WASF3: variants seen among roughly 807,000 people sequenced by gnomAD.
WASF3 encodes actin-binding protein WASF3.
Under a neutral mutation model 46.6 loss-of-function variants are expected in WASF3, and 11 were observed. That is an observed-to-expected ratio of 0.24 (90% CI 0.15 to 0.39). The LOEUF is 0.39. Ranked by LOEUF, WASF3 falls within the 10% of genes least tolerant of loss-of-function variation. The probability of loss-of-function intolerance (pLI) is 1.00; values close to 1 mark genes in which losing one functional copy is unlikely to be tolerated. For synonymous variants in WASF3, 242 were observed against 259.7 expected (o/e 0.93, Z 0.65); for missense variants, 576 against 669.8 (o/e 0.86, Z 1.55).
At chr13:26,642,107 A>G (rs1882016348) in intron 2 of WASF3, 154 bp from the exon 3 acceptor site, 4 of 689,358 alleles carry the variant, frequency 5.8e-6, no homozygotes, top group Non-Finnish European at 9.0e-6. Context: ...CACTAAAGTA[A>G]TTCACTGTTT....
In WASF3 at chr13:26,584,205, G is replaced by A. The variant is rs374384118; in HGVS notation, c.-109+26386G>A. ...CAAGGGACCAGTAAATTAACAGAAT[G>A]GTGAACATTTTCCTTTTCTTGGTGC... is the stretch of plus-strand genomic sequence containing the variant. On this transcript the variant is annotated intron_variant, in intron 1 of 9. Coordinates refer to ENST00000335327, the MANE Select transcript of WASF3 (RefSeq NM_006646.6). Among the ~76,000 whole-genome samples, 109 of 152,310 alleles carry A rather than the reference G, an allele frequency of 7.2e-4. 2 individuals are homozygous for A. The South Asian group carries it at 0.022, about 31-fold the overall frequency.
chr13:26,685,024 G>C (rs1883358109), intron 9 of WASF3, among the ~76,000 whole-genome samples: 1 of 151,106 alleles, frequency 6.6e-6, no homozygotes, highest in Non-Finnish European at 1.5e-5. Flanking sequence ...GGAGGTCGAG[G>C]CTGCAGTGAG....
intron 2 of WASF3, among the ~76,000 whole-genome samples, chr13:26,613,957 A>G (rs1881057326): frequency 6.6e-6 from 1 of 152,182 alleles, no homozygotes; most frequent in South Asian, 2.1e-4. Flanking sequence ...CTAGTAGGGC[A>G]AGTTATTTCT....
intron 3 of WASF3, among the ~76,000 whole-genome samples, chr13:26,658,899 T>C (rs9512311): frequency 0.31 from 46,872 of 152,092 alleles, 7,516 homozygotes; most frequent in South Asian, 0.4. Flanking sequence ...TGTTCACTTA[T>C]TCCGAAATCT....
Position 26,598,676 on chromosome 13 carries a change from C to T in WASF3, c.-108-14285C>T, listed in dbSNP as rs115931554. On this transcript the variant is annotated intron_variant, in intron 1 of 9. Coordinates refer to ENST00000335327, the MANE Select transcript of WASF3 (RefSeq NM_006646.6). Reference sequence around the variant, plus strand: ...AGTTTGTTTTCGGCAGTTTTCACTCCGAACCCCAGTAAGATCTTGGAGATC... The same window carrying T: ...AGTTTGTTTTCGGCAGTTTTCACTCTGAACCCCAGTAAGATCTTGGAGATC... Among the ~76,000 whole-genome samples the T allele has an allele frequency of 6.1e-3, 932 of 152,238 alleles. 6 individuals are homozygous for T. Among genetic ancestry groups the T allele is most frequent in the African/African-American group, 0.021 (854 of 41,524 alleles).
At chr13:26,618,803 TATAA>T (rs1566052807) in intron 2 of WASF3, 2 of 152,206 alleles carry the variant, frequency 1.3e-5, no homozygotes, top group African/African-American at 2.4e-5. Context: ...TTTTATTAGA[TATAA>T]TTCTTTCAAA....
At chr13:26,551,117 C>T in the WASF3 span, among the ~76,000 whole-genome samples, 3 of 152,150 alleles carry the variant, frequency 2.0e-5, no homozygotes, top group South Asian at 6.2e-4. Flanking sequence ...TGGCACTTTT[C>T]CCTTCTTTCT....
chr13:26,613,189 T>G (rs1881029159), intron 2 of WASF3, 131 bp downstream of exon 2: 1 of 150,338 alleles, frequency 6.7e-6, no homozygotes, highest in Non-Finnish European at 1.5e-5. Flanking sequence ...ATTAATATAC[T>G]TTAATATATA....
At chr13:26,594,051 T>G (rs1007987668) in intron 1 of WASF3, among the ~76,000 whole-genome samples, 2 of 152,250 alleles carry the variant, frequency 1.3e-5, no homozygotes, top group African/African-American at 4.8e-5. Context: ...TTACATTGAT[T>G]TAGGTAATTT....
intron 2 of WASF3, chr13:26,639,625 C>T (rs1291747325): frequency 6.6e-6 from 1 of 152,174 alleles, no homozygotes; most frequent in Non-Finnish European, 1.5e-5. Context: ...GAAGTGCCGA[C>T]ATGTTGTCCC....
chr13:26,597,938 G>A (rs1194832345), intron 1 of WASF3, among the ~76,000 whole-genome samples: 3 of 152,166 alleles, frequency 2.0e-5, no homozygotes, highest in African/African-American at 7.2e-5. Context: ...GTGTGCATGT[G>A]TCTTTATAGC....
intron 6 of WASF3, among the ~76,000 whole-genome samples, chr13:26,674,254 T>C (rs1352000931): frequency 2.0e-5 from 3 of 152,226 alleles, no homozygotes; most frequent in African/African-American, 7.2e-5. Flanking sequence ...TTTGTCAGCA[T>C]GCATCTTTTA....
the WASF3 span, among the ~76,000 whole-genome samples, chr13:26,545,863 C>G: frequency 6.6e-6 from 1 of 152,230 alleles, no homozygotes; most frequent in Non-Finnish European, 1.5e-5. Context: ...CTTGGCCTCC[C>G]AAAGTGCTGA....
intron 2 of WASF3, among the ~76,000 whole-genome samples, chr13:26,626,785 A>G (rs1881477156): frequency 6.6e-6 from 1 of 152,234 alleles, no homozygotes; most frequent in Admixed American, 6.5e-5. Flanking sequence ...TTACATAATG[A>G]TAATGGGATC....
At chr13:26,549,792 A>G in the WASF3 span, among the ~76,000 whole-genome samples, 2 of 152,348 alleles carry the variant, frequency 1.3e-5, no homozygotes, top group East Asian at 3.9e-4. Flanking sequence ...ATTTGGGCTT[A>G]GAATGTTTGA....
the WASF3 span, among the ~76,000 whole-genome samples, chr13:26,547,243 T>C: frequency 6.6e-6 from 1 of 152,208 alleles, no homozygotes; most frequent in Non-Finnish European, 1.5e-5. Flanking sequence ...TTTGTAACCC[T>C]GTTTTATTGA....
chr13:26,576,115 C>T (rs146855658), intron 1 of WASF3, among the ~76,000 whole-genome samples: 4,402 of 151,960 alleles, frequency 0.029, 91 homozygotes, highest in South Asian at 0.047. Flanking sequence ...ACCCTCTTTG[C>T]CTAATTTGTT....
chr13:26,572,168 G>A (rs1879656046), intron 1 of WASF3, among the ~76,000 whole-genome samples: 1 of 152,112 alleles, frequency 6.6e-6, no homozygotes, highest in South Asian at 2.1e-4. Flanking sequence ...CATTGTTTGT[G>A]CCTTTAATTG....
chr13:26,674,606 A>G (rs1883009817), intron 6 of WASF3, among the ~76,000 whole-genome samples: 1 of 152,254 alleles, frequency 6.6e-6, no homozygotes, highest in Non-Finnish European at 1.5e-5. Context: ...TATGACTTAC[A>G]TACACACACT....
Sources: gnomAD v4.1 joint callset for allele counts (sites outside exome capture counted in the v4.1 genomes callset) on GRCh38, gnomAD v4.1.1 for gene constraint, MANE v1.5 for transcripts, NCBI Gene and HGNC (gene_info 2026-07-23, HGNC 2026-07-21) for gene names.